Variants in FTO observed in about 807,000 individuals in gnomAD.
FTO encodes the protein alpha-ketoglutarate-dependent dioxygenase FTO.
A neutral mutation model predicts 63.9 loss-of-function variants in FTO; 47 were observed. The observed-to-expected ratio is 0.74, with a 90% CI of 0.58 to 0.94. The LOEUF (loss-of-function observed/expected upper bound fraction) is 0.94, where lower values mean the gene tolerates loss of function less well. FTO is among the 40% of genes least tolerant of loss of function. The probability of loss-of-function intolerance (pLI) is 0.00; values close to 1 mark genes in which losing one functional copy is unlikely to be tolerated. For missense variants in FTO, 562 were observed against 618.1 expected (o/e 0.91, Z 0.96); for synonymous variants, 207 against 224.4 (o/e 0.92, Z 0.69).
intron 8 of FTO, among the ~76,000 whole-genome samples, chr16:54,014,850 C>T (rs1230286183): frequency 7.8e-5 from 8 of 102,934 alleles, no homozygotes; most frequent in Non-Finnish European, 1.4e-4. Context: ...CTCTCTCTCT[C>T]TTTTTTTTTT....
intron 1 of FTO, among the ~76,000 whole-genome samples, chr16:53,752,377 A>T (rs2076819054): frequency 6.6e-6 from 1 of 152,208 alleles, no homozygotes; most frequent in Non-Finnish European, 1.5e-5. Context: ...TGGAAGCATT[A>T]TTCATAATTA....
At chr16:54,008,174 C>A (rs1125339) in intron 8 of FTO, among the ~76,000 whole-genome samples, 78,172 of 151,968 alleles carry the variant, frequency 0.51, 22,417 homozygotes, top group African/African-American at 0.77. Flanking sequence ...ACCTTTGATA[C>A]GTCTAGACCT....
intron 7 of FTO, among the ~76,000 whole-genome samples, chr16:53,910,218 AC>A (rs1293831993): frequency 3.3e-5 from 5 of 152,118 alleles, no homozygotes; most frequent in African/African-American, 1.2e-4. Context: ...TACTTCCGGT[AC>A]CTAGGTGGGG....
At chr16:54,024,348 C>T (rs1289966559) in intron 8 of FTO, among the ~76,000 whole-genome samples, 1 of 152,072 alleles carries the variant, frequency 6.6e-6, no homozygotes, top group Admixed American at 6.5e-5. Flanking sequence ...CTCAACCTCC[C>T]AAGTAGCTGG....
chr16:53,966,776 T>C (rs1231236486), intron 8 of FTO, among the ~76,000 whole-genome samples: 1 of 152,250 alleles, frequency 6.6e-6, no homozygotes, highest in African/African-American at 2.4e-5. Context: ...AACTTAATTT[T>C]ATGCCGCTAG....
chr16:53,813,234 C>T (rs2078584845), intron 2 of FTO, among the ~76,000 whole-genome samples: 1 of 149,690 alleles, frequency 6.7e-6, no homozygotes, highest in Admixed American at 6.7e-5. Flanking sequence ...TTTTTTGAGA[C>T]AGCATCTCAC....
At chr16:53,833,287 T>C (rs1169998452) in intron 3 of FTO, among the ~76,000 whole-genome samples, 2 of 152,220 alleles carry the variant, frequency 1.3e-5, no homozygotes, top group South Asian at 2.1e-4. Context: ...GGATATGTCT[T>C]TATGAGCAGC....
chr16:54,113,161 A>T lies in FTO; in HGVS notation c.*1246A>T, dbSNP rs1156649077. The T allele has an allele frequency of 6.6e-6, 1 of 152,176 alleles. No individual in the cohort carries two copies. Among genetic ancestry groups the T allele is most frequent in the African/African-American group, 2.4e-5 (1 of 41,440 alleles). The allele number at this position is 152,176 out of a possible 1,614,324, so 9.4% of individuals were successfully genotyped here. On this transcript the variant is annotated 3_prime_UTR_variant, in exon 9 of 9. Coordinates refer to ENST00000471389, the MANE Select transcript of FTO (RefSeq NM_001080432.3). ...GTTATGTGTGGGTGAGCTGACCTGG[A>T]TGTAGATGTTTTCCTCTCTCTTGCT...
chr16:53,954,831 G>A (rs751516160), intron 8 of FTO, among the ~76,000 whole-genome samples: 2 of 151,880 alleles, frequency 1.3e-5, no homozygotes, highest in African/African-American at 4.8e-5. Context: ...TAATGTTTAA[G>A]GAGCCTGAAT....
chr16:53,823,095 A>G (rs557077793), intron 2 of FTO, among the ~76,000 whole-genome samples: 3 of 152,036 alleles, frequency 2.0e-5, no homozygotes, highest in South Asian at 4.2e-4. Context: ...CTTTCATTCC[A>G]TCTTCGCCTA....
intron 6 of FTO, among the ~76,000 whole-genome samples, chr16:53,883,081 T>G (rs1245907872): frequency 6.6e-6 from 1 of 152,216 alleles, no homozygotes; most frequent in Non-Finnish European, 1.5e-5. Context: ...AGCAAAGTTA[T>G]GTCTTTCTCC....
At chr16:53,782,659 T>C (rs867687646) in intron 1 of FTO, among the ~76,000 whole-genome samples, 6 of 152,236 alleles carry the variant, frequency 3.9e-5, no homozygotes, top group Non-Finnish European at 7.3e-5. Flanking sequence ...TCAACTGGTA[T>C]AGTGGCAGAG....
At chr16:53,924,002 A>G (rs753403989) in intron 7 of FTO, among the ~76,000 whole-genome samples, 2 of 152,184 alleles carry the variant, frequency 1.3e-5, no homozygotes, top group Non-Finnish European at 2.9e-5. Context: ...CTTTGGGGAA[A>G]AAACAAAAAT....
chr16:53,879,096 G>T (rs2080751216), intron 5 of FTO, among the ~76,000 whole-genome samples: 1 of 152,040 alleles, frequency 6.6e-6, no homozygotes, highest in African/African-American at 2.4e-5. Context: ...TAGTCTCAGG[G>T]CATTTGAGAT....
intron 1 of FTO, among the ~76,000 whole-genome samples, chr16:53,809,830 A>G (rs2078473240): frequency 6.6e-6 from 1 of 152,072 alleles, no homozygotes; most frequent in Admixed American, 6.5e-5. Flanking sequence ...AGTCCCAGCT[A>G]CTTGGGAGGA....
intron 3 of FTO, among the ~76,000 whole-genome samples, chr16:53,835,383 T>A (rs562924392): frequency 1.3e-5 from 2 of 152,344 alleles, no homozygotes; most frequent in South Asian, 4.1e-4. Flanking sequence ...CAATGTTTTC[T>A]TCAGAAAGAT....
At chr16:53,902,502 A>C (rs1047796275) in intron 7 of FTO, among the ~76,000 whole-genome samples, 81 of 152,298 alleles carry the variant, frequency 5.3e-4, no homozygotes, top group African/African-American at 1.8e-3. Flanking sequence ...TGCCAATAGC[A>C]AAATAAGATA....
chr16:53,962,217 G>C (rs539610673), intron 8 of FTO, among the ~76,000 whole-genome samples: 1 of 152,240 alleles, frequency 6.6e-6, no homozygotes, highest in South Asian at 2.1e-4. Context: ...CTTAGCTTGT[G>C]GTCAGAGCTC....
At chr16:54,086,039 A>G (rs1375573859) in intron 8 of FTO, among the ~76,000 whole-genome samples, 3 of 152,226 alleles carry the variant, frequency 2.0e-5, no homozygotes, top group South Asian at 2.1e-4. Context: ...AAATAACAAC[A>G]ACAATAAGGC....
Sources: gnomAD v4.1 joint callset for allele counts (sites outside exome capture counted in the v4.1 genomes callset) on GRCh38, gnomAD v4.1.1 for gene constraint, MANE v1.5 for transcripts, NCBI Gene and HGNC (gene_info 2026-07-23, HGNC 2026-07-21) for gene names.